The following CPPED1 variants were observed in gnomAD, a reference collection of about 807,000 sequenced individuals.
CPPED1 encodes serine/threonine-protein phosphatase CPPED1.
CPPED1 carries 28 observed loss-of-function variants against 28.0 expected under a neutral mutation model. That is an observed-to-expected ratio of 1.00 (90% confidence interval 0.74 to 1.37). CPPED1 has a LOEUF of 1.37. Ranked by LOEUF, CPPED1 falls within the 40% of genes most tolerant of loss-of-function variation. The probability of loss-of-function intolerance (pLI) is 0.00; values close to 1 mark genes in which losing one functional copy is unlikely to be tolerated. For missense variants in CPPED1, 504 were observed against 416.5 expected (o/e 1.21, Z -1.83); for synonymous variants, 198 against 180.2 (o/e 1.10, Z -0.79).
rs1259664501 is a variant in CPPED1 at position 12,661,278 on chromosome 16, T to C, written c.*3608A>G. 2 of 152,228 alleles carry C rather than the reference T, an allele frequency of 1.3e-5. No individual in the cohort carries two copies. Among genetic ancestry groups the C allele is most frequent in the African/African-American group, 4.8e-5 (2 of 41,454 alleles). 9.4% of individuals were successfully genotyped at this position (152,228 alleles called of 1,614,324 possible). The stretch of plus-strand genomic sequence containing the variant: ...GTATATAAGGTCAATGGCCCTAGTC[T>C]AATTCAGATTTAAACTAGTGCTTGC... On this transcript the variant is annotated 3_prime_UTR_variant, in exon 4 of 4. Coordinates refer to ENST00000381774, the MANE Select transcript of CPPED1 (RefSeq NM_018340.3).
chr16:12,794,505 C>A (rs535881278), intron 1 of CPPED1, among the ~76,000 whole-genome samples: 2 of 131,618 alleles, frequency 1.5e-5, no homozygotes, highest in East Asian at 5.0e-4. Context: ...CCTCAAGAGT[C>A]TCCAAATGAC....
At chr16:12,672,031 G>T (rs2079855334) in intron 3 of CPPED1, among the ~76,000 whole-genome samples, 1 of 152,222 alleles carries the variant, frequency 6.6e-6, no homozygotes, top group Admixed American at 6.5e-5. Context: ...ACAGTACCAT[G>T]CTGCATGGTT....
intron 3 of CPPED1, among the ~76,000 whole-genome samples, chr16:12,681,831 G>A (rs540959770): frequency 3.0e-4 from 45 of 152,176 alleles, no homozygotes; most frequent in African/African-American, 9.4e-4. Flanking sequence ...ATCTGCATCC[G>A]ACTTAGAATC....
intron 2 of CPPED1, among the ~76,000 whole-genome samples, chr16:12,738,297 T>A (rs758228946): frequency 6.6e-6 from 1 of 152,110 alleles, no homozygotes; most frequent in Non-Finnish European, 1.5e-5. Context: ...AAAAAATTTT[T>A]AAAAATTAGG....
chr16:12,677,754 T>A (rs2079885111), intron 3 of CPPED1, among the ~76,000 whole-genome samples: 1 of 152,198 alleles, frequency 6.6e-6, no homozygotes, highest in Non-Finnish European at 1.5e-5. Context: ...AACCCTCTCA[T>A]CCCCAAATCC....
chr16:12,703,292 T>C (rs908461049), intron 3 of CPPED1, among the ~76,000 whole-genome samples: 1 of 152,010 alleles, frequency 6.6e-6, no homozygotes, highest in African/African-American at 2.4e-5. Flanking sequence ...GTCTTGAAAA[T>C]ACAAAATGTT....
intron 1 of CPPED1, among the ~76,000 whole-genome samples, chr16:12,798,691 C>T (rs2080641323): frequency 6.6e-6 from 1 of 152,144 alleles, no homozygotes; most frequent in African/African-American, 2.4e-5. Context: ...AGATTCAGAC[C>T]TAAAAATAAT....
intron 3 of CPPED1, among the ~76,000 whole-genome samples, chr16:12,666,962 A>C (rs2079829009): frequency 6.6e-6 from 1 of 151,808 alleles, no homozygotes. Context: ...CTAGGAAGGA[A>C]GGAGAGACAC....
intron 2 of CPPED1, among the ~76,000 whole-genome samples, chr16:12,718,913 A>G (rs2080122566): frequency 6.6e-6 from 1 of 152,140 alleles, no homozygotes; most frequent in African/African-American, 2.4e-5. Context: ...CAGTGAGCTG[A>G]GATCCTTCCA....
chr16:12,729,142 A>T (rs1359783745), intron 2 of CPPED1, among the ~76,000 whole-genome samples: 1 of 152,118 alleles, frequency 6.6e-6, no homozygotes, highest in African/African-American at 2.4e-5. Context: ...AGAGTCCAGC[A>T]TATATCATTA....
intron 1 of CPPED1, 78 bp from the exon 2 acceptor site, chr16:12,781,481 G>C: frequency 1.6e-6 from 2 of 1,264,716 alleles, no homozygotes; most frequent in Non-Finnish European, 2.2e-6. Context: ...CCCATGCAAA[G>C]TGGATACACT....
At chr16:12,784,283 A>C (rs972704909) in intron 1 of CPPED1, among the ~76,000 whole-genome samples, 36 of 150,206 alleles carry the variant, frequency 2.4e-4, no homozygotes, top group African/African-American at 8.2e-4. Context: ...TCAGCTTGGA[A>C]GAGGACACTC....
intron 3 of CPPED1, among the ~76,000 whole-genome samples, chr16:12,699,176 A>C (rs980130087): frequency 1.2e-4 from 18 of 152,198 alleles, no homozygotes; most frequent in African/African-American, 4.1e-4. Context: ...TAAAGCGGAA[A>C]ACCAATTTCT....
At chr16:12,718,997 T>C (rs1428451224) in intron 2 of CPPED1, among the ~76,000 whole-genome samples, 1 of 152,014 alleles carries the variant, frequency 6.6e-6, no homozygotes, top group Non-Finnish European at 1.5e-5. Context: ...TTCATGTGGC[T>C]GGGGAGGCCT....
At chr16:12,772,544 A>G (rs2080475918) in intron 2 of CPPED1, among the ~76,000 whole-genome samples, 1 of 152,234 alleles carries the variant, frequency 6.6e-6, no homozygotes, top group Middle Eastern at 3.2e-3. Context: ...ATTTGTTGGA[A>G]TCATTTCTAA....
At chr16:12,699,084 A>G (rs2080006860) in intron 3 of CPPED1, among the ~76,000 whole-genome samples, 4 of 152,214 alleles carry the variant, frequency 2.6e-5, no homozygotes, top group Admixed American at 2.6e-4. Flanking sequence ...AGAGGCATAA[A>G]GGACCGAGAA....
At position 12,686,960 on chromosome 16, in the gene CPPED1, C is replaced by T. The variant is rs1361841261; in HGVS notation, c.715+17664G>A. Among the ~76,000 whole-genome samples, 5 of 152,168 alleles carry T rather than the reference C, an allele frequency of 3.3e-5. No homozygotes were observed. In the East Asian group the frequency reaches 9.7e-4, roughly 29 times the overall value. On this transcript the variant is annotated intron_variant, in intron 3 of 3. Coordinates refer to ENST00000381774, the MANE Select transcript of CPPED1 (RefSeq NM_018340.3). The stretch of plus-strand genomic sequence containing the variant: ...AGTGGTGACTGATTCAGTACGTACA[C>T]CAGGGGTTGGAAACTAAAGCCCATT...
At chr16:12,697,658 AT>A (rs1280142165) in intron 3 of CPPED1, among the ~76,000 whole-genome samples, 3 of 152,214 alleles carry the variant, frequency 2.0e-5, no homozygotes, top group Non-Finnish European at 2.9e-5. Flanking sequence ...ATAAAGTTTT[AT>A]TGGAACACTG....
At chr16:12,732,494 GGAGAGAGA>G (rs35298221) in intron 2 of CPPED1, among the ~76,000 whole-genome samples, 9 of 145,426 alleles carry the variant, frequency 6.2e-5, no homozygotes, top group African/African-American at 1.3e-4. Context: ...ACACACAGAT[GGAGAGAGA>G]GAGAGAGAGA....
Sources: gnomAD v4.1 joint callset for allele counts (sites outside exome capture counted in the v4.1 genomes callset) on GRCh38, gnomAD v4.1.1 for gene constraint, MANE v1.5 for transcripts, NCBI Gene and HGNC (gene_info 2026-07-23, HGNC 2026-07-21) for gene names.